PCDH15: variants seen among roughly 807,000 people sequenced by gnomAD.
PCDH15 encodes the protein protocadherin-15.
PCDH15 carries 129 observed loss-of-function variants against 178.5 expected under a neutral mutation model. The observed-to-expected ratio is 0.72, with a 90% confidence interval of 0.63 to 0.84. The LOEUF is 0.84. Ranked by LOEUF, PCDH15 falls within the 40% of genes least tolerant of loss-of-function variation. The probability of loss-of-function intolerance (pLI) is 0.00; values close to 1 mark genes in which losing one functional copy is unlikely to be tolerated. For synonymous variants in PCDH15, 800 were observed against 732.0 expected (o/e 1.09, Z -1.50); for missense variants, 2,230 against 2,099.9 (o/e 1.06, Z -1.21).
chr10:54,950,668 C>T (rs1428344621), intron 2 of PCDH15, among the ~76,000 whole-genome samples: 1 of 151,756 alleles, frequency 6.6e-6, no homozygotes, highest in Non-Finnish European at 1.5e-5. Context: ...GAGGAACTAC[C>T]CTTTATAAAA....
chr10:54,165,358 T>C lies in PCDH15; in HGVS notation c.1591-12065A>G, dbSNP rs186404706. Among the ~76,000 whole-genome samples the C allele has an allele frequency of 2.0e-5, 3 of 152,310 alleles. No individual in the cohort carries two copies. The East Asian group carries it at 5.8e-4, about 29-fold the overall frequency. On this transcript the variant is annotated intron_variant, in intron 13 of 37. Coordinates refer to ENST00000644397, the MANE Select transcript of PCDH15 (RefSeq NM_001384140.1). ...TAATAATAACATGATCATTAAATACTTATATGAATAATTGTCACCGAAGAT... is the reference window on the plus strand; with the variant it reads ...TAATAATAACATGATCATTAAATACCTATATGAATAATTGTCACCGAAGAT...
intron 2 of PCDH15, among the ~76,000 whole-genome samples, chr10:54,919,388 T>C (rs1287947782): frequency 1.3e-5 from 2 of 152,182 alleles, no homozygotes; most frequent in Non-Finnish European, 2.9e-5. Context: ...TCAATCTCTA[T>C]TAGCCTGAAA....
intron 1 of PCDH15, among the ~76,000 whole-genome samples, chr10:54,772,160 TA>T (rs1320769664): frequency 6.6e-6 from 1 of 152,132 alleles, no homozygotes. Flanking sequence ...GAAACATACA[TA>T]TTTTTATAGC....
intron 3 of PCDH15, among the ~76,000 whole-genome samples, chr10:54,830,220 C>A (rs1432452101): frequency 6.6e-6 from 1 of 152,116 alleles, no homozygotes; most frequent in Admixed American, 6.6e-5. Context: ...TTGACCCAGC[C>A]ATCCCATTAC....
chr10:54,772,833 A>G (rs1447390096), intron 1 of PCDH15, among the ~76,000 whole-genome samples: 2 of 152,160 alleles, frequency 1.3e-5, no homozygotes, highest in Non-Finnish European at 2.9e-5. Flanking sequence ...AATTGCAGCC[A>G]TATTCACAAT....
chr10:53,940,904 T>C lies in PCDH15; in HGVS notation c.3194A>G (p.Gln1065Arg), dbSNP rs1404623855. The change falls in exon 24 of 38, where the codon CAA (glutamine) becomes CGA (arginine). Residue 1065 changes from glutamine (Q) to arginine (R), a missense_variant. Physicochemically the swap from Gln to Arg is conservative, Grantham distance 43. Transcript: ENST00000644397. Reference sequence around the variant, plus strand: ...TGAAACAATGGAGTACACAATACTTTGATTAATGGCAGCAGCAGAAATTAC... The same window carrying C: ...TGAAACAATGGAGTACACAATACTTCGATTAATGGCAGCAGCAGAAATTAC... ...VGVISAAAIN[Q>R]SIVYSIVSGN... 1.2e-6 allele frequency: 2 copies of C among 1,613,624 alleles called. No individual in the cohort carries two copies. The highest frequency in any genetic ancestry group is 1.7e-6 in the Non-Finnish European group (2 of 1,179,668).
At chr10:55,193,471 T>C (rs1363488318) in intron 1 of PCDH15, among the ~76,000 whole-genome samples, 1 of 152,018 alleles carries the variant, frequency 6.6e-6, no homozygotes, top group South Asian at 2.1e-4. Context: ...TTAATCAAAA[T>C]GCTTTACATT....
At chr10:54,985,537 T>C (rs1839342654) in intron 2 of PCDH15, among the ~76,000 whole-genome samples, 1 of 152,114 alleles carries the variant, frequency 6.6e-6, no homozygotes, top group African/African-American at 2.4e-5. Context: ...TCAAAATACT[T>C]ACATTAGCCT....
intron 2 of PCDH15, among the ~76,000 whole-genome samples, chr10:55,142,267 T>C (rs1358234271): frequency 6.6e-6 from 1 of 152,124 alleles, no homozygotes; most frequent in Non-Finnish European, 1.5e-5. Context: ...AACTATTGAG[T>C]CTGGCAATGA....
At chr10:54,653,830 A>C (rs7082763) in intron 2 of PCDH15, among the ~76,000 whole-genome samples, 1 of 152,188 alleles carries the variant, frequency 6.6e-6, no homozygotes, top group East Asian at 1.9e-4. Flanking sequence ...AAATGTTTTA[A>C]CAGTTAGTCA....
intron 15 of PCDH15, among the ~76,000 whole-genome samples, chr10:54,105,301 TATATATATATATATATACAC>T (rs2094895437): frequency 1.0e-5 from 1 of 98,356 alleles, no homozygotes; most frequent in African/African-American, 4.6e-5. Context: ...TATATATATA[TATATATATATATATATACAC>T]ACACACATAC....
chr10:55,066,649 T>A (rs971051767), intron 2 of PCDH15, among the ~76,000 whole-genome samples: 5 of 150,498 alleles, frequency 3.3e-5, no homozygotes, highest in African/African-American at 4.8e-5. Flanking sequence ...TTTGAGTATT[T>A]GAGTTATGTT....
chr10:55,511,489 C>T (rs1379392200), intron 2 of PCDH15, among the ~76,000 whole-genome samples: 2 of 152,010 alleles, frequency 1.3e-5, no homozygotes, highest in Non-Finnish European at 2.9e-5. Flanking sequence ...TGTTCTCACA[C>T]ATTTTCTTCT....
chr10:54,820,244 G>C (rs569872954), intron 3 of PCDH15, among the ~76,000 whole-genome samples: 36 of 151,900 alleles, frequency 2.4e-4, no homozygotes, highest in Admixed American at 9.2e-4. Context: ...TCAGCTTTTT[G>C]GGCTCCATCG....
At chr10:55,489,233 T>G (rs1470118249) in intron 2 of PCDH15, among the ~76,000 whole-genome samples, 1 of 151,578 alleles carries the variant, frequency 6.6e-6, no homozygotes, top group Non-Finnish European at 1.5e-5. Context: ...TCTTTCAACA[T>G]TCTCTAAAAA....
At chr10:54,564,326 AGAG>A (rs1451895998) in intron 2 of PCDH15, among the ~76,000 whole-genome samples, 4 of 152,298 alleles carry the variant, frequency 2.6e-5, no homozygotes, top group Admixed American at 1.3e-4. Context: ...TATTTTAGTG[AGAG>A]GATTGAGAAG....
rs1169302544 is a variant in PCDH15, at chr10:54,174,702, C to CTTTTTTTTTTTTTTTTTTTTTTTTTTT, written c.1590+8741_1590+8742insAAAAAAAAAAAAAAAAAAAAAAAAAAA. 9.6e-4 allele frequency among the ~76,000 whole-genome samples: 81 copies of CTTTTTTTTTTTTTTTTTTTTTTTTTTT among 84,048 alleles called. 2 individuals carry two copies. The highest frequency in any genetic ancestry group is 1.5e-3 in the Admixed American group (9 of 5,870). The allele number at this position is 84,048 out of a possible 152,430, so 55.1% of individuals were successfully genotyped here. On this transcript the variant is annotated intron_variant, in intron 13 of 37. Transcript: ENST00000644397. ...CTTCTTTCTTTTTTCTTTTTCTTTT[C>CTTTTTTTTTTTTTTTTTTTTTTTTTTT]TTTTTTTTTTTTTTTTTTTTTGAGA...
chr10:54,644,365 T>C (rs1210116207), intron 2 of PCDH15, among the ~76,000 whole-genome samples: 1 of 150,886 alleles, frequency 6.6e-6, no homozygotes, highest in East Asian at 2.0e-4. Flanking sequence ...TTACTGAATA[T>C]GCTTTTCATC....
At chr10:55,493,243 A>G (rs1260213575) in intron 2 of PCDH15, among the ~76,000 whole-genome samples, 1 of 151,544 alleles carries the variant, frequency 6.6e-6, no homozygotes, top group East Asian at 2.0e-4. Context: ...CAGATACACT[A>G]AAGTCATATT....
Sources: gnomAD v4.1 joint callset for allele counts (sites outside exome capture counted in the v4.1 genomes callset) on GRCh38, gnomAD v4.1.1 for gene constraint, MANE v1.5 for transcripts, NCBI Gene and HGNC (gene_info 2026-07-23, HGNC 2026-07-21) for gene names.